Variants in PCDHGA9 observed in about 807,000 individuals in gnomAD.
The protein encoded by PCDHGA9 is protocadherin gamma subfamily A, 9.
In PCDHGA9, 37 loss-of-function variants were observed where a neutral mutation model predicts 62.5. That is an observed-to-expected ratio of 0.59 (90% CI 0.46 to 0.78). The LOEUF (loss-of-function observed/expected upper bound fraction) is 0.78, where lower values mean the gene tolerates loss of function less well. PCDHGA9 is among the 30% of genes least tolerant of loss of function. The pLI is 0.00. For missense variants in PCDHGA9, 1,138 were observed against 1,166.2 expected, an observed-to-expected ratio of 0.98 and a Z score of 0.35; for synonymous variants, 459 against 484.6, an observed-to-expected ratio of 0.95 and a Z score of 0.69.
At chr5:141,465,812 T>A (rs533291720) in intron 1 of PCDHGA9, among the ~76,000 whole-genome samples, 1 of 152,082 alleles carries the variant, frequency 6.6e-6, no homozygotes, top group South Asian at 2.1e-4. Flanking sequence ...TTCAGGATCT[T>A]GATCACATTT....
chr5:141,408,338 G>C, intron 1 of PCDHGA9: 1 of 1,613,958 alleles, frequency 6.2e-7, no homozygotes, highest in Non-Finnish European at 8.5e-7. Context: ...CAAGGGCTCG[G>C]TGGTGGGGAA....
rs765318875 is a variant in PCDHGA9 at position 141,489,896 on chromosome 5, C to A, written c.2425-4911C>A. On this transcript the variant is annotated intron_variant, in intron 1 of 3. Coordinates refer to ENST00000573521, the MANE Select transcript of PCDHGA9 (RefSeq NM_018921.3). This position sits in a 1 kb window ranked among gnomAD's most constrained non-coding sequence, Gnocchi z 4.5. ...GTGCTTACTGCTGTGGATGGGGGGA[C>A]CCCAGCCCGCTCAGGGACCACCCTT... 5 of 1,614,062 alleles carry A rather than the reference C, an allele frequency of 3.1e-6. No homozygotes were observed.
rs2099746956 is a variant in PCDHGA9 at position 141,493,207 on chromosome 5, A to C, written c.2425-1600A>C. Among the ~76,000 whole-genome samples, 1 of 152,152 alleles carries C rather than the reference A, an allele frequency of 6.6e-6. No individual in the cohort carries two copies. The highest frequency in any genetic ancestry group is 2.4e-5 in the African/African-American group (1 of 41,442). On this transcript the variant is annotated intron_variant, in intron 1 of 3. Coordinates refer to ENST00000573521, the MANE Select transcript of PCDHGA9 (RefSeq NM_018921.3). The surrounding 1 kb of genome is among the most constrained non-coding windows in gnomAD (Gnocchi z 4.3). ...ATAACTCCTTTGAGAACCTCATCTC[A>C]TTTGCTCTTCCCACCATTGCTGTTG...
intron 1 of PCDHGA9, among the ~76,000 whole-genome samples, chr5:141,470,504 G>A (rs914828244): frequency 6.6e-6 from 1 of 152,114 alleles, no homozygotes; most frequent in Admixed American, 6.6e-5. Flanking sequence ...TAGGTAATTA[G>A]ACAGTTAGCT....
Position 141,511,617 on chromosome 5 carries a change from C to T in PCDHGA9, c.*444C>T, listed in dbSNP as rs1562253545. The T allele has an allele frequency of 4.3e-6, 1 of 233,232 alleles. No homozygotes were observed. Among genetic ancestry groups the T allele is most frequent in the African/African-American group, 2.2e-5 (1 of 45,220 alleles). The allele number at this position is 233,232 out of a possible 1,614,324, so 14.4% of individuals were successfully genotyped here. A position where few individuals can be genotyped will look rare whatever the true frequency, so the allele number is the denominator to read the frequency against. Reference sequence around the variant, plus strand: ...CAAGTAACCTACAAGCCTCCTAGTTCTGAAAAGTTGGAAGGGCATCATGAC... The same window carrying T: ...CAAGTAACCTACAAGCCTCCTAGTTTTGAAAAGTTGGAAGGGCATCATGAC... On this transcript the variant is annotated 3_prime_UTR_variant, in exon 4 of 4. Coordinates refer to ENST00000573521, the MANE Select transcript of PCDHGA9 (RefSeq NM_018921.3).
intron 1 of PCDHGA9, chr5:141,420,295 T>G (rs1282298065): frequency 6.8e-7 from 1 of 1,466,506 alleles, no homozygotes; most frequent in East Asian, 2.3e-5. Flanking sequence ...AAAAATGTAT[T>G]TAATCCTTTT....
intron 1 of PCDHGA9, chr5:141,478,437 A>G (rs2099455876): frequency 6.2e-7 from 1 of 1,613,758 alleles, no homozygotes; most frequent in African/African-American, 1.3e-5. Flanking sequence ...CCGCTGCTGA[A>G]GAAACCTGGT....
At chr5:141,433,560 G>A (rs1276743163) in intron 1 of PCDHGA9, among the ~76,000 whole-genome samples, 1 of 152,110 alleles carries the variant, frequency 6.6e-6, no homozygotes, top group East Asian at 1.9e-4. Flanking sequence ...TTCTGGCTGG[G>A]CGCGGTGGCT....
At chr5:141,409,847 C>T (rs2095325421) in intron 1 of PCDHGA9, 3 of 1,611,712 alleles carry the variant, frequency 1.9e-6, no homozygotes, top group East Asian at 2.2e-5. Context: ...CGTGAGCCTG[C>T]GCGTGTTGGT....
chr5:141,499,725 C>T (rs554409998), intron 2 of PCDHGA9, among the ~76,000 whole-genome samples: 3 of 138,474 alleles, frequency 2.2e-5, no homozygotes, highest in African/African-American at 5.4e-5. Context: ...GACAGAGTCT[C>T]ACTCTCTTGC....
intron 1 of PCDHGA9, among the ~76,000 whole-genome samples, chr5:141,462,877 T>G (rs1387501705): frequency 1.3e-5 from 2 of 152,240 alleles, no homozygotes; most frequent in African/African-American, 4.8e-5. Flanking sequence ...CTTTAAGAAC[T>G]ATTGCAGTTT....
At chr5:141,471,654 G>A (rs1235665796) in intron 1 of PCDHGA9, 2 of 152,044 alleles carry the variant, frequency 1.3e-5, no homozygotes, top group South Asian at 2.1e-4. Flanking sequence ...CTGGATGTGG[G>A]GATGCAGAAA....
Position 141,494,872 on chromosome 5 carries a change from G to A in PCDHGA9, c.2483+7G>A. On this transcript the variant is annotated splice_region_variant and intron_variant, in intron 2 of 3. Transcript: ENST00000573521. ...AGAGACCCGGCACCAGCGGGTAGGT[G>A]ACTGATTCTCCAGCCCACCCTCTTC... 1 of 1,614,128 alleles carries A rather than the reference G, an allele frequency of 6.2e-7. No individual in the cohort carries two copies. Among genetic ancestry groups the A allele is most frequent in the South Asian group, 1.1e-5 (1 of 91,074 alleles).
In PCDHGA9 at chr5:141,404,129, A is replaced by C; in HGVS notation, c.1177A>C (p.Thr393Pro). The change falls in exon 1 of 4, where the codon ACA becomes CCA. Residue 393 changes from threonine (T) to proline (P), a missense_variant. Coordinates refer to ENST00000573521, the MANE Select transcript of PCDHGA9 (RefSeq NM_018921.3). ...VCSIQENLSF[T>P]LENSEEDYYR... ...TTCTATCCAGGAGAATCTATCTTTT[A>C]CATTAGAAAATTCAGAAGAAGATTA... 1.2e-6 allele frequency: 2 copies of C among 1,613,162 alleles called. No homozygotes were observed. The highest frequency in any genetic ancestry group is 1.7e-6 in the Non-Finnish European group (2 of 1,179,426).
chr5:141,505,283 G>A, intron 2 of PCDHGA9, 110 bp from the exon 3 acceptor site: 5 of 1,547,446 alleles, frequency 3.2e-6, no homozygotes, highest in Non-Finnish European at 3.5e-6. Flanking sequence ...ACAGGTCTTG[G>A]GCATGGGGTA....
At chr5:141,473,623 A>T (rs186624707) in intron 1 of PCDHGA9, among the ~76,000 whole-genome samples, 8 of 152,280 alleles carry the variant, frequency 5.3e-5, no homozygotes, top group Non-Finnish European at 1.5e-5. Flanking sequence ...GAGGGAGGAA[A>T]AAGCAGCTTT....
At chr5:141,497,956 C>T (rs2099780659) in intron 2 of PCDHGA9, among the ~76,000 whole-genome samples, 1 of 152,214 alleles carries the variant, frequency 6.6e-6, no homozygotes, top group African/African-American at 2.4e-5. Flanking sequence ...TTCTGTTGGC[C>T]AGGCAGTGTT....
chr5:141,410,719 A>G, intron 1 of PCDHGA9: 3 of 1,407,980 alleles, frequency 2.1e-6, no homozygotes, highest in Non-Finnish European at 2.9e-6. Context: ...TCATATGTTT[A>G]AAATCCATAG....
chr5:141,485,247 G>T lies in PCDHGA9; in HGVS notation c.2425-9560G>T. On this transcript the variant is annotated intron_variant, in intron 1 of 3. Coordinates refer to ENST00000573521, the MANE Select transcript of PCDHGA9 (RefSeq NM_018921.3). The surrounding 1 kb of genome is among the most constrained non-coding windows in gnomAD (Gnocchi z 5.7). ...CTTTTGTTCCTCTTTTACCACCTGG[G>T]TTACGTTTGTGGGCAGATCCGCTAC... The T allele has an allele frequency of 2.5e-6, 4 of 1,614,156 alleles. No individual in the cohort carries two copies. The highest frequency in any genetic ancestry group is 3.4e-6 in the Non-Finnish European group (4 of 1,180,010).
Sources: allele counts gnomAD v4.1 joint callset (sites outside exome capture counted in the v4.1 genomes callset), GRCh38; gene constraint gnomAD v4.1.1; non-coding constraint Gnocchi (gnomAD v3.1); transcripts MANE v1.5; gene names NCBI Gene and HGNC (gene_info 2026-07-23, HGNC 2026-07-21).